HSD17B12: variants seen among roughly 807,000 people sequenced by gnomAD.
HSD17B12 encodes hydroxysteroid 17-beta dehydrogenase 12.
HSD17B12 carries 32 observed loss-of-function variants against 39.3 expected under a neutral mutation model. The ratio of observed to expected loss-of-function variants is 0.81; its 90% CI spans 0.61 to 1.09. The LOEUF is 1.09. Ranked by LOEUF, HSD17B12 falls within the 50% of genes least tolerant of loss-of-function variation. HSD17B12 has a pLI of 0.00. For synonymous variants in HSD17B12, 150 were observed against 146.7 expected (o/e 1.02, Z -0.16); for missense variants, 342 against 382.9 (o/e 0.89, Z 0.89).
At chr11:43,666,508 T>TTTTG in the HSD17B12 span, among the ~76,000 whole-genome samples, 1 of 152,240 alleles carries the variant, frequency 6.6e-6, no homozygotes, top group African/African-American at 2.4e-5. Context: ...CCTGGCCATT[T>TTTTG]TTTGTTTGTT....
the HSD17B12 span, among the ~76,000 whole-genome samples, chr11:43,654,596 T>G: frequency 6.6e-6 from 1 of 152,106 alleles, no homozygotes; most frequent in East Asian, 1.9e-4. Flanking sequence ...AGGGATCCAG[T>G]TTCAGCTTTC....
chr11:43,851,936 CTTG>C (rs1951535731), intron 9 of HSD17B12: 3 of 152,206 alleles, frequency 2.0e-5, no homozygotes, highest in Non-Finnish European at 4.4e-5. Context: ...GGCTCCTTTT[CTTG>C]GCTCCTGCTG....
the HSD17B12 span, among the ~76,000 whole-genome samples, chr11:43,627,675 TA>T: frequency 2.6e-5 from 4 of 152,058 alleles, no homozygotes; most frequent in Non-Finnish European, 1.5e-5. Flanking sequence ...AAGATCCTGA[TA>T]AATCTTTAAA....
At chr11:43,598,766 G>C in the HSD17B12 span, among the ~76,000 whole-genome samples, 10 of 152,140 alleles carry the variant, frequency 6.6e-5, no homozygotes, top group Admixed American at 2.6e-4. Context: ...ACGTCAGAGT[G>C]GGGTATGCGG....
intron 4 of HSD17B12, among the ~76,000 whole-genome samples, chr11:43,812,767 C>T (rs1039722903): frequency 2.0e-5 from 3 of 152,168 alleles, no homozygotes; most frequent in African/African-American, 7.2e-5. Context: ...TTCACATTTT[C>T]ATTGTGTGAA....
At chr11:43,564,951 G>A in the HSD17B12 span, among the ~76,000 whole-genome samples, 1 of 149,804 alleles carries the variant, frequency 6.7e-6, no homozygotes, top group African/African-American at 2.5e-5. Flanking sequence ...CAAGGCTGGA[G>A]TACAGTGGCA....
chr11:43,637,005 T>C, the HSD17B12 span, among the ~76,000 whole-genome samples: 23 of 152,264 alleles, frequency 1.5e-4, no homozygotes, highest in African/African-American at 5.5e-4. Flanking sequence ...ATTAAGTATA[T>C]AGGTTGAGCA....
At chr11:43,703,387 G>A (rs1195036475) in intron 1 of HSD17B12, among the ~76,000 whole-genome samples, 1 of 151,998 alleles carries the variant, frequency 6.6e-6, no homozygotes, top group Non-Finnish European at 1.5e-5. Context: ...GTAGAGACGG[G>A]GTTTCACCGT....
At chr11:43,825,870 A>G (rs1951230339) in intron 6 of HSD17B12, among the ~76,000 whole-genome samples, 1 of 152,202 alleles carries the variant, frequency 6.6e-6, no homozygotes, top group African/African-American at 2.4e-5. Context: ...TTCACCTCCA[A>G]ATGAAGCTAG....
intron 1 of HSD17B12, among the ~76,000 whole-genome samples, chr11:43,701,433 T>G (rs1949963580): frequency 6.6e-6 from 1 of 152,198 alleles, no homozygotes. Context: ...TGAGATTTTC[T>G]CTAATGTTTT....
At chr11:43,748,225 G>A (rs777034446) in intron 1 of HSD17B12, among the ~76,000 whole-genome samples, 7 of 152,086 alleles carry the variant, frequency 4.6e-5, no homozygotes, top group African/African-American at 9.7e-5. Flanking sequence ...GCCCATCAAT[G>A]GTAGATTGGG....
intron 1 of HSD17B12, among the ~76,000 whole-genome samples, chr11:43,741,734 CTTTT>C (rs534584200): frequency 2.3e-5 from 3 of 130,484 alleles, no homozygotes. Context: ...TTTTCTTTTT[CTTTT>C]TTTTTTTTTT....
At chr11:43,590,723 G>A in the HSD17B12 span, among the ~76,000 whole-genome samples, 1 of 150,546 alleles carries the variant, frequency 6.6e-6, no homozygotes, top group Non-Finnish European at 1.5e-5. Context: ...TGTTAGCCAG[G>A]ATGGTCTCAA....
chr11:43,641,215 A>G, the HSD17B12 span, among the ~76,000 whole-genome samples: 1 of 65,446 alleles, frequency 1.5e-5, no homozygotes, highest in South Asian at 5.5e-4. Context: ...TCATTTAAAA[A>G]AGATTAATTT....
At chr11:43,784,183 C>A (rs1355536946) in intron 3 of HSD17B12, among the ~76,000 whole-genome samples, 1 of 152,016 alleles carries the variant, frequency 6.6e-6, no homozygotes. Context: ...ATCGAGTAAG[C>A]ATGGGAAACG....
At chr11:43,662,512 G>A in the HSD17B12 span, among the ~76,000 whole-genome samples, 1,377 of 144,026 alleles carry the variant, frequency 9.6e-3, 21 homozygotes, top group African/African-American at 0.035. Flanking sequence ...CCCAAAGTTG[G>A]CCACATCTCA....
intron 1 of HSD17B12, among the ~76,000 whole-genome samples, chr11:43,735,536 G>A (rs1950308852): frequency 6.6e-6 from 1 of 152,062 alleles, no homozygotes; most frequent in Non-Finnish European, 1.5e-5. Flanking sequence ...TTGGCCATTT[G>A]TATATCCTCT....
At chr11:43,677,222 A>G (rs1178688914), upstream of HSD17B12, among the ~76,000 whole-genome samples, 1 of 152,176 alleles carries the variant, frequency 6.6e-6, no homozygotes. Flanking sequence ...GAATCTTATC[A>G]AACTATGAAG....
intron 9 of HSD17B12, among the ~76,000 whole-genome samples, chr11:43,845,870 A>G (rs548085002): frequency 6.6e-6 from 1 of 152,360 alleles, no homozygotes; most frequent in East Asian, 1.9e-4. Flanking sequence ...CCCTAGATGT[A>G]GCATCAGTGA....
Sources: gnomAD v4.1 joint callset for allele counts (sites outside exome capture counted in the v4.1 genomes callset) on GRCh38, gnomAD v4.1.1 for gene constraint, MANE v1.5 for transcripts, NCBI Gene and HGNC (gene_info 2026-07-23, HGNC 2026-07-21) for gene names.